Variants in SDK1 observed in about 807,000 individuals in gnomAD.
SDK1 encodes sidekick cell adhesion molecule 1.
Under a neutral mutation model 245.5 loss-of-function variants are expected in SDK1, and 157 were observed. The ratio of observed to expected loss-of-function variants is 0.64; its 90% confidence interval spans 0.56 to 0.73. The LOEUF (loss-of-function observed/expected upper bound fraction) is 0.73, where lower values mean the gene tolerates loss of function less well. Among genes scored for constraint, SDK1 ranks in the 30% least tolerant of loss-of-function variants. The pLI, the probability that SDK1 is intolerant of heterozygous loss-of-function variation, is 0.00. For missense variants in SDK1, 3,583 were observed against 3,002.3 expected (o/e 1.19, Z -4.52); for synonymous variants, 1,647 against 1,278.5 (o/e 1.29, Z -6.15).
At chr7:3,639,639 G>C (rs1782588962) in intron 3 of SDK1, among the ~76,000 whole-genome samples, 2 of 152,064 alleles carry the variant, frequency 1.3e-5, no homozygotes, top group Admixed American at 6.6e-5. Context: ...AGTAAACAAA[G>C]GAGATATCAA....
intron 40 of SDK1, among the ~76,000 whole-genome samples, chr7:4,228,364 G>T (rs182015464): frequency 6.6e-6 from 1 of 152,180 alleles, no homozygotes; most frequent in African/African-American, 2.4e-5. Flanking sequence ...GGGCACCTCC[G>T]CCCTCCACAG....
chr7:3,881,438 C>G (rs1408419734), intron 5 of SDK1, among the ~76,000 whole-genome samples: 8 of 152,234 alleles, frequency 5.3e-5, no homozygotes, highest in Non-Finnish European at 1.5e-5. Flanking sequence ...AGATTTCATT[C>G]CTTTTTGTGG....
intron 19 of SDK1, among the ~76,000 whole-genome samples, chr7:4,061,729 A>G (rs1442171208): frequency 6.6e-6 from 1 of 152,090 alleles, no homozygotes; most frequent in Admixed American, 6.6e-5. Context: ...CTTTGAACCA[A>G]TCCAAATGTC....
chr7:3,735,774 T>TA (rs1172309612), intron 4 of SDK1, among the ~76,000 whole-genome samples: 2 of 152,220 alleles, frequency 1.3e-5, no homozygotes, highest in Admixed American at 6.5e-5. Context: ...TTTTACATTT[T>TA]ACTTTCCCAC....
chr7:3,832,933 T>G (rs1291234905), intron 5 of SDK1, among the ~76,000 whole-genome samples: 1 of 152,102 alleles, frequency 6.6e-6, no homozygotes, highest in Non-Finnish European at 1.5e-5. Context: ...CAGTGTAAAC[T>G]GTTATTTTGC....
chr7:3,953,412 A>T lies in SDK1; in HGVS notation c.1150+1492A>T, dbSNP rs556068690. 3.3e-5 allele frequency among the ~76,000 whole-genome samples: 5 copies of T among 152,318 alleles called. No homozygotes were observed. In the East Asian group the frequency reaches 9.6e-4, roughly 29 times the overall value. On this transcript the variant is annotated intron_variant, in intron 7 of 44. Transcript: ENST00000404826. ...AGTCACCAATCACTGTTGATTCTAC[A>T]TGAGAGGCCTGAGCTGGTATTGCTA... is the stretch of plus-strand genomic sequence containing the variant.
At chr7:3,513,519 G>T (rs1005140322) in intron 1 of SDK1, among the ~76,000 whole-genome samples, 1 of 152,114 alleles carries the variant, frequency 6.6e-6, no homozygotes, top group Admixed American at 6.6e-5. Context: ...AATTAAGACT[G>T]ATGTGGCCAA....
intron 1 of SDK1, among the ~76,000 whole-genome samples, chr7:3,588,712 A>G (rs1780766049): frequency 6.6e-6 from 1 of 152,200 alleles, no homozygotes; most frequent in African/African-American, 2.4e-5. Context: ...CAACATCTGT[A>G]TTGGGTTGAT....
chr7:3,763,823 T>G (rs1292319444), intron 4 of SDK1, among the ~76,000 whole-genome samples: 1 of 152,178 alleles, frequency 6.6e-6, no homozygotes, highest in Non-Finnish European at 1.5e-5. Context: ...AGAATAGTAT[T>G]TACTGATAAT....
intron 1 of SDK1, among the ~76,000 whole-genome samples, chr7:3,334,639 C>T (rs1341309335): frequency 6.6e-6 from 1 of 152,158 alleles, no homozygotes; most frequent in Non-Finnish European, 1.5e-5. Flanking sequence ...CAATCCAGGG[C>T]ACTCTACTTT....
At chr7:3,699,424 C>T (rs1368800475) in intron 4 of SDK1, among the ~76,000 whole-genome samples, 1 of 151,966 alleles carries the variant, frequency 6.6e-6, no homozygotes, top group Non-Finnish European at 1.5e-5. Context: ...TCGAAAGTCT[C>T]AGCAAAGAAA....
Position 3,578,263 on chromosome 7 carries a change from ATT to A in SDK1, c.299-40816_299-40815del, listed in dbSNP as rs1479869372. ...ACCAGCAAGTTTTATTAAGGATTTC[ATT>A]AAGGATTTTATTAAGGATTAAGGGG... On this transcript the variant is annotated intron_variant, in intron 1 of 44. Coordinates refer to ENST00000404826, the MANE Select transcript of SDK1 (RefSeq NM_152744.4). Among the ~76,000 whole-genome samples the A allele has an allele frequency of 2.9e-3, 435 of 152,110 alleles. 9 individuals are homozygous for A. Among genetic ancestry groups the A allele is most frequent in the South Asian group, 0.018 (88 of 4,818 alleles).
intron 1 of SDK1, among the ~76,000 whole-genome samples, chr7:3,520,644 A>G (rs1782906955): frequency 6.9e-6 from 1 of 145,844 alleles, no homozygotes; most frequent in Non-Finnish European, 1.5e-5. Flanking sequence ...GGCTATGGTA[A>G]TCTCTGCAAT....
At chr7:3,495,498 A>G (rs1457478221) in intron 1 of SDK1, among the ~76,000 whole-genome samples, 1 of 152,042 alleles carries the variant, frequency 6.6e-6, no homozygotes, top group Non-Finnish European at 1.5e-5. Flanking sequence ...GCCTCAAGAG[A>G]TCCTCCCGCC....
chr7:3,691,184 G>A (rs1784428729), intron 4 of SDK1, among the ~76,000 whole-genome samples: 1 of 48,604 alleles, frequency 2.1e-5, no homozygotes, highest in African/African-American at 7.9e-5. Flanking sequence ...AAATGTATAC[G>A]AAAAGCAATA....
At chr7:3,754,504 A>C (rs1397806073) in intron 4 of SDK1, among the ~76,000 whole-genome samples, 1 of 150,428 alleles carries the variant, frequency 6.6e-6, no homozygotes, top group East Asian at 1.9e-4. Flanking sequence ...AAGGTCAGTA[A>C]CATTGTATCT....
intron 4 of SDK1, among the ~76,000 whole-genome samples, chr7:3,670,711 T>A (rs1783673756): frequency 6.6e-6 from 1 of 152,198 alleles, no homozygotes; most frequent in Admixed American, 6.5e-5. Flanking sequence ...CCCACCCGCT[T>A]GCTTCCCTTG....
In SDK1 at chr7:3,836,054, G is replaced by A. The variant is rs114228963; in HGVS notation, c.847+14471G>A. Among the ~76,000 whole-genome samples, 399 of 152,264 alleles carry A rather than the reference G, an allele frequency of 2.6e-3. 1 individual carries two copies. Among genetic ancestry groups the A allele is most frequent in the African/African-American group, 9.2e-3 (384 of 41,548 alleles). On this transcript the variant is annotated intron_variant, in intron 5 of 44. Coordinates refer to ENST00000404826, the MANE Select transcript of SDK1 (RefSeq NM_152744.4). The stretch of plus-strand genomic sequence containing the variant: ...AAAATATGGGAGATTTCTCAGAGAT[G>A]GACTGTGTTATAAATAGAACAAATC...
chr7:3,650,924 G>C (rs1055131698), intron 4 of SDK1, among the ~76,000 whole-genome samples: 1 of 151,126 alleles, frequency 6.6e-6, no homozygotes, highest in East Asian at 1.9e-4. Context: ...GTGTTTCTTG[G>C]TGTGGCCATA....
Sources: allele counts gnomAD v4.1 joint callset (sites outside exome capture counted in the v4.1 genomes callset), GRCh38; gene constraint gnomAD v4.1.1; transcripts MANE v1.5; gene names NCBI Gene and HGNC (gene_info 2026-07-23, HGNC 2026-07-21).